Variants in MACO1 observed in about 807,000 individuals in gnomAD.
The protein encoded by MACO1 is macoilin 1.
In MACO1, 14 loss-of-function variants were observed where a neutral mutation model predicts 78.7. The ratio of observed to expected loss-of-function variants is 0.18; its 90% confidence interval spans 0.12 to 0.28. MACO1 has a LOEUF of 0.28. MACO1 is among the 10% of genes least tolerant of loss of function. The pLI, the probability that MACO1 is intolerant of heterozygous loss-of-function variation, is 1.00. For synonymous variants in MACO1, 288 were observed against 291.6 expected, an observed-to-expected ratio of 0.99 and a Z score of 0.12; for missense variants, 501 against 799.0, an observed-to-expected ratio of 0.63 and a Z score of 4.50.
chr1:25,446,786 G>A lies in MACO1; in HGVS notation c.105G>A (p.Leu35=), dbSNP rs1246580163. The A allele has an allele frequency of 1.9e-6, 3 of 1,612,174 alleles. No homozygotes were observed. Among genetic ancestry groups the A allele is most frequent in the Non-Finnish European group, 2.5e-6 (3 of 1,179,244 alleles). Reference sequence around the variant, plus strand: ...GTACATTTTTATACCTGAAATTCCTGGTGGTGTGGGCACTTGTCCTCCTAG... The same window carrying A: ...GTACATTTTTATACCTGAAATTCCTAGTGGTGTGGGCACTTGTCCTCCTAG... The part of the protein sequence containing the change: ...YGSTFLYLKF[L]VVWALVLLAD... The change falls in exon 2 of 11, where the codon CTG becomes CTA. Residue 35 remains leucine, a synonymous_variant. Coordinates refer to ENST00000374343, the MANE Select transcript of MACO1 (RefSeq NM_018202.6).
In MACO1 at chr1:25,485,206, C is replaced by T. The variant is rs1182899387; in HGVS notation, c.1314-407C>T. ...AAAAATAAAAACCTTCCCCTTTCCA[C>T]CCCTTACCTTAGTTTCACTGGGGCT... On this transcript the variant is annotated intron_variant, in intron 7 of 10. Coordinates refer to ENST00000374343, the MANE Select transcript of MACO1 (RefSeq NM_018202.6). This position sits in a 1 kb window ranked among gnomAD's most constrained non-coding sequence, Gnocchi z 4.3. Among the ~76,000 whole-genome samples, 1 of 152,214 alleles carries T rather than the reference C, an allele frequency of 6.6e-6. No individual in the cohort carries two copies. Among genetic ancestry groups the T allele is most frequent in the Non-Finnish European group, 1.5e-5 (1 of 68,042 alleles).
chr1:25,454,629 G>T (rs549552060), intron 4 of MACO1, among the ~76,000 whole-genome samples: 2 of 150,990 alleles, frequency 1.3e-5, no homozygotes, highest in African/African-American at 4.9e-5. Context: ...TTACAGGCGC[G>T]TGCCACCACA....
At chr1:25,474,249 T>G (rs1327745711) in intron 6 of MACO1, among the ~76,000 whole-genome samples, 1 of 151,958 alleles carries the variant, frequency 6.6e-6, no homozygotes, top group East Asian at 1.9e-4. Flanking sequence ...TTAAAAAACT[T>G]TTTTTTTAAC....
In MACO1 at chr1:25,458,651, A is replaced by G; in HGVS notation, c.913A>G (p.Ser305Gly). 2.5e-6 allele frequency: 4 copies of G among 1,614,160 alleles called. No homozygotes were observed. Among genetic ancestry groups the G allele is most frequent in the Non-Finnish European group, 3.4e-6 (4 of 1,180,022 alleles). Residue 305 changes from serine (S) to glycine (G), a missense_variant, in exon 6 of 11, where the codon AGT becomes GGT. Ser to Gly is a moderately conservative substitution (Grantham distance 56). Around this residue, in one of 5 missense-constraint regions of MACO1, gnomAD observed 90 missense variants for 85.7 expected, o/e 1.05. Coordinates refer to ENST00000374343, the MANE Select transcript of MACO1 (RefSeq NM_018202.6). ...SKRLNNDLVG[S>G]TENLLKEDSC... ...AAGATTAAATAATGATCTTGTGGGA[A>G]GTACAGAAAATCTCTTGAAAGAGGA...
intron 1 of MACO1, among the ~76,000 whole-genome samples, chr1:25,433,333 A>G (rs773278025): frequency 9.9e-5 from 15 of 152,156 alleles, no homozygotes; most frequent in Non-Finnish European, 2.2e-4. Context: ...TTTCTAAAGC[A>G]AACAGGATGA....
At chr1:25,481,396 T>C (rs2043376595) in intron 6 of MACO1, among the ~76,000 whole-genome samples, 1 of 152,126 alleles carries the variant, frequency 6.6e-6, no homozygotes, top group Non-Finnish European at 1.5e-5. Flanking sequence ...ATGAGGAAAC[T>C]GAGGCCTGGA....
At position 25,454,464 on chromosome 1, in the gene MACO1, G is replaced by A. The variant is rs113815174; in HGVS notation, c.473+82G>A. ...TGTGTGTGTGTGTGTGTGTGTGTGT[G>A]TGTGTGTATATATATATATATATAT... On this transcript the variant is annotated intron_variant, in intron 4 of 10. Transcript: ENST00000374343. 914 of 177,822 alleles carry A rather than the reference G, an allele frequency of 5.1e-3. 10 individuals are homozygous for A. The highest frequency in any genetic ancestry group is 0.031 in the African/African-American group (679 of 21,848). 11.0% of individuals were successfully genotyped at this position (177,822 alleles called of 1,614,324 possible). A position where few individuals can be genotyped will look rare whatever the true frequency, so the allele number is the denominator to read the frequency against.
chr1:25,448,525 C>T (rs957691393), intron 2 of MACO1, among the ~76,000 whole-genome samples: 1 of 152,162 alleles, frequency 6.6e-6, no homozygotes, highest in Non-Finnish European at 1.5e-5. Context: ...TATTTGGAAT[C>T]CAAATGAATT....
At chr1:25,432,427 A>G (rs904527667) in intron 1 of MACO1, among the ~76,000 whole-genome samples, 2 of 152,254 alleles carry the variant, frequency 1.3e-5, no homozygotes, top group Admixed American at 6.5e-5. Flanking sequence ...GCCATAGAGC[A>G]TAGGAGTAAT....
intron 6 of MACO1, among the ~76,000 whole-genome samples, chr1:25,479,087 C>G (rs979148489): frequency 2.0e-5 from 3 of 152,176 alleles, no homozygotes; most frequent in Non-Finnish European, 2.9e-5. Context: ...CTCTCTATCC[C>G]TGTCTGCTGA....
intron 1 of MACO1, among the ~76,000 whole-genome samples, chr1:25,439,612 T>C (rs190822628): frequency 2.6e-4 from 39 of 152,046 alleles, no homozygotes; most frequent in Middle Eastern, 3.4e-3. Context: ...AGGAGGTGCC[T>C]GCAGAATGCA....
chr1:25,494,043 A>G (rs2124614427), intron 10 of MACO1, among the ~76,000 whole-genome samples: 1 of 152,202 alleles, frequency 6.6e-6, no homozygotes, highest in African/African-American at 2.4e-5. Flanking sequence ...ATAGTTTCTT[A>G]TCTCTGTTTC....
At chr1:25,447,972 G>T (rs1306921970) in intron 2 of MACO1, among the ~76,000 whole-genome samples, 4 of 152,176 alleles carry the variant, frequency 2.6e-5, no homozygotes, top group Admixed American at 2.6e-4. Flanking sequence ...TCTATTGGCG[G>T]TAGTGGTGTC....
At chr1:25,480,924 AAAAAAATATATATATAT>A (rs1346513398) in intron 6 of MACO1, among the ~76,000 whole-genome samples, 2 of 35,350 alleles carry the variant, frequency 5.7e-5, no homozygotes, top group South Asian at 1.5e-3. Flanking sequence ...AAAAAAAAAA[AAAAAAATATATATATAT>A]ATATATATAT....
intron 3 of MACO1, among the ~76,000 whole-genome samples, chr1:25,452,482 T>G (rs2043075420): frequency 6.6e-6 from 1 of 152,206 alleles, no homozygotes; most frequent in South Asian, 2.1e-4. Context: ...AAAATTTTTT[T>G]GAACAGTACT....
intron 10 of MACO1, among the ~76,000 whole-genome samples, chr1:25,493,298 G>A (rs1571993046): frequency 6.6e-6 from 1 of 152,144 alleles, no homozygotes; most frequent in African/African-American, 2.4e-5. Context: ...GAGTGCAGTG[G>A]CACAGTCTCA....
At chr1:25,454,466 G>GTATATA (rs1182318467) in intron 4 of MACO1, 84 bp downstream of exon 4, 7 of 174,592 alleles carry the variant, frequency 4.0e-5, no homozygotes, top group African/African-American at 1.8e-4. Context: ...GTGTGTGTGT[G>GTATATA]TGTGTATATA....
Position 25,491,591 on chromosome 1 carries a change from G to C in MACO1, c.1792+7G>C, listed in dbSNP as rs771022987. 32 of 1,613,242 alleles carry C rather than the reference G, an allele frequency of 2.0e-5. No individual in the cohort carries two copies. The highest frequency in any genetic ancestry group is 2.6e-5 in the Non-Finnish European group (31 of 1,179,374). On this transcript the variant is annotated splice_region_variant and intron_variant, in intron 10 of 10. Transcript: ENST00000374343. ...CAGCTCGAGATTGCCCAAGGTAGGAGAACGTGGGCCCCTGGTGAGGTGGTG... is the reference window on the plus strand; with the variant it reads ...CAGCTCGAGATTGCCCAAGGTAGGACAACGTGGGCCCCTGGTGAGGTGGTG...
intron 10 of MACO1, among the ~76,000 whole-genome samples, chr1:25,494,352 C>T (rs1464758138): frequency 2.0e-5 from 3 of 151,996 alleles, no homozygotes; most frequent in African/African-American, 7.2e-5. Context: ...GCAGAGAATG[C>T]CAGGGAAAAA....
Sources: gnomAD v4.1 joint callset for allele counts (sites outside exome capture counted in the v4.1 genomes callset) on GRCh38, gnomAD v4.1.1 for gene constraint, gnomAD v4.1.1 regional missense constraint, Gnocchi (gnomAD v3.1) non-coding constraint, MANE v1.5 for transcripts, NCBI Gene and HGNC (gene_info 2026-07-23, HGNC 2026-07-21) for gene names.